The following DIP2B variants were observed in gnomAD, a reference collection of about 807,000 sequenced individuals.
DIP2B encodes the protein disco-interacting protein 2 homolog B.
Under a neutral mutation model 198.0 loss-of-function variants are expected in DIP2B, and 76 were observed. The ratio of observed to expected loss-of-function variants is 0.38; its 90% CI spans 0.32 to 0.46. DIP2B has a LOEUF of 0.46. DIP2B is among the 20% of genes least tolerant of loss of function. The probability of loss-of-function intolerance (pLI) is 0.99; values close to 1 mark genes in which losing one functional copy is unlikely to be tolerated. For missense variants in DIP2B, 1,559 were observed against 1,978.4 expected (o/e 0.79, Z 4.02); for synonymous variants, 701 against 739.1 (o/e 0.95, Z 0.84).
chr12:50,530,780 C>T (rs1264616894), intron 1 of DIP2B, among the ~76,000 whole-genome samples: 9 of 152,122 alleles, frequency 5.9e-5, no homozygotes, highest in Admixed American at 5.2e-4. Context: ...AAGTTTCTTC[C>T]TTAGGCATCT....
At position 50,702,734 on chromosome 12, in the gene DIP2B, TAAA is replaced by T. The variant is rs35373628; in HGVS notation, c.2326-1384_2326-1382del. The stretch of plus-strand genomic sequence containing the variant: ...GGCAACATAGTGAGACCTCATCTCT[TAAA>T]AAAAAAAAAAAAAAAAAAAAAGGAG... On this transcript the variant is annotated intron_variant, in intron 19 of 37. Transcript: ENST00000301180. Among the ~76,000 whole-genome samples, 23 of 40,610 alleles carry T rather than the reference TAAA, an allele frequency of 5.7e-4. No individual in the cohort carries two copies. The South Asian group carries it at 6.6e-3, about 12-fold the overall frequency. The allele number at this position is 40,610 out of a possible 152,430, so 26.6% of individuals were successfully genotyped here. A position where few individuals can be genotyped will look rare whatever the true frequency, so the allele number is the denominator to read the frequency against.
chr12:50,639,376 C>T (rs887124743), intron 2 of DIP2B, among the ~76,000 whole-genome samples: 1 of 152,130 alleles, frequency 6.6e-6, no homozygotes, highest in Non-Finnish European at 1.5e-5. Flanking sequence ...ATGTTTGATG[C>T]CTTGACAGGG....
chr12:50,733,578 C>A (rs1170396508), intron 32 of DIP2B, among the ~76,000 whole-genome samples: 2 of 152,118 alleles, frequency 1.3e-5, no homozygotes, highest in Admixed American at 6.5e-5. Context: ...GTGGTACATG[C>A]CTCTAGTCCC....
intron 1 of DIP2B, among the ~76,000 whole-genome samples, chr12:50,526,437 C>T (rs1257735951): frequency 6.6e-6 from 1 of 152,116 alleles, no homozygotes; most frequent in Non-Finnish European, 1.5e-5. Flanking sequence ...CTTCAGTCTG[C>T]CTGACTACTT....
At chr12:50,563,948 C>T (rs1342404053) in intron 1 of DIP2B, among the ~76,000 whole-genome samples, 6 of 152,092 alleles carry the variant, frequency 3.9e-5, no homozygotes, top group Non-Finnish European at 8.8e-5. Context: ...AACATAGCAT[C>T]AGCATTGGTC....
chr12:50,715,547 A>G (rs774458156), intron 23 of DIP2B, among the ~76,000 whole-genome samples: 3 of 152,182 alleles, frequency 2.0e-5, no homozygotes, highest in Non-Finnish European at 4.4e-5. Flanking sequence ...CATGAAGTAT[A>G]CTTATCCCAT....
At chr12:50,594,733 A>G (rs1295272503) in intron 1 of DIP2B, among the ~76,000 whole-genome samples, 1 of 152,238 alleles carries the variant, frequency 6.6e-6, no homozygotes, top group Non-Finnish European at 1.5e-5. Flanking sequence ...ATATATTTAA[A>G]AAGTTTAACC....
At chr12:50,620,385 C>T (rs930864375) in intron 1 of DIP2B, among the ~76,000 whole-genome samples, 3 of 152,192 alleles carry the variant, frequency 2.0e-5, no homozygotes, top group Non-Finnish European at 4.4e-5. Flanking sequence ...GTCCTTTATA[C>T]TCAGCCTCAC....
At chr12:50,625,296 T>C (rs1937911151) in intron 1 of DIP2B, among the ~76,000 whole-genome samples, 1 of 152,228 alleles carries the variant, frequency 6.6e-6, no homozygotes, top group Non-Finnish European at 1.5e-5. Flanking sequence ...GTCCATTTCT[T>C]GCCACTTCAA....
chr12:50,540,944 C>G (rs1047222506), intron 1 of DIP2B, among the ~76,000 whole-genome samples: 3 of 152,170 alleles, frequency 2.0e-5, no homozygotes, highest in Non-Finnish European at 4.4e-5. Context: ...AGCGCAGAAT[C>G]TCTGGATAGG....
At chr12:50,735,554 G>A (rs1484948104) in intron 34 of DIP2B, among the ~76,000 whole-genome samples, 1 of 151,638 alleles carries the variant, frequency 6.6e-6, no homozygotes, top group Non-Finnish European at 1.5e-5. Context: ...TGCAACCTCT[G>A]CCTCCCAGAT....
intron 2 of DIP2B, among the ~76,000 whole-genome samples, chr12:50,636,097 T>G (rs1489100409): frequency 6.6e-6 from 1 of 152,122 alleles, no homozygotes; most frequent in Non-Finnish European, 1.5e-5. Flanking sequence ...GTAGAATAAG[T>G]ACTGTAAGAG....
chr12:50,679,725 TAAAG>T (rs1370851974), intron 8 of DIP2B: 2 of 152,232 alleles, frequency 1.3e-5, no homozygotes, highest in African/African-American at 2.4e-5. Context: ...ATATAACCCT[TAAAG>T]AAAGCATTTA....
At chr12:50,558,409 G>T (rs1202352919) in intron 1 of DIP2B, among the ~76,000 whole-genome samples, 1 of 152,168 alleles carries the variant, frequency 6.6e-6, no homozygotes, top group Non-Finnish European at 1.5e-5. Context: ...GGTAATAATT[G>T]AGAATCATAT....
Position 50,708,435 on chromosome 12 carries a change from CTG to C in DIP2B, c.2535-11_2535-10del, listed in dbSNP as rs1321191729. 4 of 1,575,842 alleles carry C rather than the reference CTG, an allele frequency of 2.5e-6. No homozygotes were observed. Among genetic ancestry groups the C allele is most frequent in the Middle Eastern group, 3.3e-4 (2 of 6,020 alleles). On this transcript the variant is annotated splice_polypyrimidine_tract_variant and intron_variant, in intron 21 of 37. Coordinates refer to ENST00000301180, the MANE Select transcript of DIP2B (RefSeq NM_173602.3). ...TGAAGGGAGTCCTGATGTGTTTGATCTGTCTCTCTTAGAATTGCTGTGTTTTC... is the reference window on the plus strand; with the variant it reads ...TGAAGGGAGTCCTGATGTGTTTGATCTCTCTCTTAGAATTGCTGTGTTTTC...
intron 26 of DIP2B, among the ~76,000 whole-genome samples, chr12:50,722,591 A>T (rs1344206821): frequency 6.6e-6 from 1 of 152,076 alleles, no homozygotes; most frequent in African/African-American, 2.4e-5. Context: ...ATTTACCTAG[A>T]TACTGAGATT....
intron 1 of DIP2B, among the ~76,000 whole-genome samples, chr12:50,570,090 G>C (rs1373227275): frequency 6.6e-6 from 1 of 152,154 alleles, no homozygotes; most frequent in African/African-American, 2.4e-5. Context: ...GCTGTGTCAT[G>C]ATTGCTTTAT....
Position 50,721,273 on chromosome 12 carries a change from G to A in DIP2B, c.3043G>A (p.Gly1015Arg). ...HVLFMLLNAKGTTVCTASCLQ... is the reference protein window; with the variant it reads ...HVLFMLLNAKRTTVCTASCLQ... ...CGCTTATCCTTTCTGTTGTTTAAAG[G>A]GAACCACTGTATGCACAGCCAGCTG... Residue 1015 changes from glycine to arginine, a missense_variant and splice_region_variant, in exon 26 of 38, where the codon GGA becomes AGA. Physicochemically the swap from Gly to Arg is moderately radical, Grantham distance 125. Transcript: ENST00000301180. 6.2e-7 allele frequency: 1 copy of A among 1,613,368 alleles called. No homozygotes were observed. Among genetic ancestry groups the A allele is most frequent in the Non-Finnish European group, 8.5e-7 (1 of 1,179,648 alleles).
intron 4 of DIP2B, 47 bp from the exon 5 acceptor site, chr12:50,671,139 C>G (rs763802073): frequency 3.2e-6 from 5 of 1,575,248 alleles, no homozygotes; most frequent in Non-Finnish European, 8.6e-7. Context: ...TGAAAAGTCT[C>G]TGTTCTAGGT....
Sources: allele counts gnomAD v4.1 joint callset (sites outside exome capture counted in the v4.1 genomes callset), GRCh38; gene constraint gnomAD v4.1.1; transcripts MANE v1.5; gene names NCBI Gene and HGNC (gene_info 2026-07-23, HGNC 2026-07-21).